Variants in MGAT4C observed in about 807,000 individuals in gnomAD.
MGAT4C encodes the protein MGAT4 family member C.
MGAT4C carries 19 observed loss-of-function variants against 40.1 expected under a neutral mutation model. That is an observed-to-expected ratio of 0.47 (90% CI 0.33 to 0.70). MGAT4C has a LOEUF of 0.70. Ranked by LOEUF, MGAT4C falls within the 30% of genes least tolerant of loss-of-function variation. MGAT4C has a pLI of 0.02. For synonymous variants in MGAT4C, 181 were observed against 187.1 expected (o/e 0.97, Z 0.27); for missense variants, 491 against 563.2 (o/e 0.87, Z 1.30).
At chr12:86,566,549 T>C (rs1319625637) in intron 2 of MGAT4C, among the ~76,000 whole-genome samples, 1 of 109,268 alleles carries the variant, frequency 9.2e-6, no homozygotes, top group East Asian at 2.4e-4. Context: ...TATATATATA[T>C]ATATATATAT....
chr12:86,282,264 ACT>A (rs1168579038), intron 4 of MGAT4C, among the ~76,000 whole-genome samples: 1 of 151,722 alleles, frequency 6.6e-6, no homozygotes, highest in Non-Finnish European at 1.5e-5. Flanking sequence ...TTTATTTAAC[ACT>A]CTTTTTCTCT....
intron 2 of MGAT4C, among the ~76,000 whole-genome samples, chr12:86,654,440 G>A (rs568788726): frequency 1.3e-5 from 2 of 151,780 alleles, no homozygotes; most frequent in African/African-American, 2.4e-5. Flanking sequence ...AAACATGCAC[G>A]ATCAGCAACC....
At chr12:86,013,614 GA>G in intron 2 of MGAT4C, 1 of 362,852 alleles carries the variant, frequency 2.8e-6, no homozygotes, top group Admixed American at 6.5e-5. Context: ...TATATAAATA[GA>G]GCTATATTCA....
intron 2 of MGAT4C, among the ~76,000 whole-genome samples, chr12:86,648,188 G>A (rs1421295079): frequency 4.6e-5 from 7 of 151,768 alleles, no homozygotes; most frequent in Admixed American, 2.0e-4. Context: ...ATTTAGTCTA[G>A]AAACATAAAG....
intron 1 of MGAT4C, among the ~76,000 whole-genome samples, chr12:86,763,419 C>T (rs1308221105): frequency 6.6e-6 from 1 of 152,096 alleles, no homozygotes; most frequent in Non-Finnish European, 1.5e-5. Context: ...CTGTGGAATA[C>T]AGTGCTCATT....
chr12:86,588,124 T>A (rs971154212), intron 2 of MGAT4C, among the ~76,000 whole-genome samples: 3 of 151,726 alleles, frequency 2.0e-5, no homozygotes, highest in Non-Finnish European at 4.4e-5. Context: ...ATACGTCCCA[T>A]CAATACCTAA....
At chr12:86,448,775 C>T (rs553582261) in intron 2 of MGAT4C, among the ~76,000 whole-genome samples, 1 of 152,286 alleles carries the variant, frequency 6.6e-6, no homozygotes, top group South Asian at 2.1e-4. Flanking sequence ...TTTAACTCAA[C>T]TTTATGTTTC....
chr12:86,063,829 T>C (rs1194654995), intron 1 of MGAT4C, among the ~76,000 whole-genome samples: 1 of 152,236 alleles, frequency 6.6e-6, no homozygotes, highest in African/African-American at 2.4e-5. Flanking sequence ...GGTAAAGTTA[T>C]CAATGCAACA....
chr12:86,560,402 A>G (rs889363383), intron 2 of MGAT4C, among the ~76,000 whole-genome samples: 1 of 152,076 alleles, frequency 6.6e-6, no homozygotes, highest in Non-Finnish European at 1.5e-5. Flanking sequence ...AATACTAGCA[A>G]GTTTAGTCCA....
At chr12:86,491,149 A>C (rs1958124764) in intron 2 of MGAT4C, among the ~76,000 whole-genome samples, 2 of 152,290 alleles carry the variant, frequency 1.3e-5, no homozygotes, top group Non-Finnish European at 1.5e-5. Flanking sequence ...TGTGGCAATA[A>C]TCAATAGCTT....
intron 2 of MGAT4C, among the ~76,000 whole-genome samples, chr12:86,442,499 T>G (rs1215188658): frequency 6.6e-6 from 1 of 152,194 alleles, no homozygotes; most frequent in African/African-American, 2.4e-5. Context: ...AAGTGTTTAA[T>G]CCATCTTGAA....
At chr12:86,304,491 C>G (rs915459546) in intron 4 of MGAT4C, among the ~76,000 whole-genome samples, 1 of 150,554 alleles carries the variant, frequency 6.6e-6, no homozygotes, top group Non-Finnish European at 1.5e-5. Flanking sequence ...TATGCATCAT[C>G]AAATATCCTA....
intron 4 of MGAT4C, among the ~76,000 whole-genome samples, chr12:86,324,959 C>T (rs1233594587): frequency 6.6e-6 from 1 of 151,976 alleles, no homozygotes; most frequent in African/African-American, 2.4e-5. Flanking sequence ...TTCAGATGAG[C>T]ATTTAAAAAT....
intron 2 of MGAT4C, among the ~76,000 whole-genome samples, chr12:86,483,151 G>T (rs1025985993): frequency 1.3e-5 from 2 of 152,134 alleles, no homozygotes; most frequent in African/African-American, 2.4e-5. Flanking sequence ...AAGGGGTGAA[G>T]GAGCTATCTG....
At chr12:86,756,695 G>A (rs774354780) in intron 1 of MGAT4C, among the ~76,000 whole-genome samples, 1 of 152,046 alleles carries the variant, frequency 6.6e-6, no homozygotes, top group Non-Finnish European at 1.5e-5. Flanking sequence ...CTAAGTTGTT[G>A]CACTATTCTT....
intron 2 of MGAT4C, among the ~76,000 whole-genome samples, chr12:86,531,624 CCATT>C (rs2136373268): frequency 6.6e-6 from 1 of 152,058 alleles, no homozygotes; most frequent in South Asian, 2.1e-4. Context: ...GACTTTACAT[CCATT>C]CAGTTATGAA....
rs958817726 is a variant in MGAT4C at position 86,241,952 on chromosome 12, A to AG, written c.-57+14286dup. 5.9e-5 allele frequency among the ~76,000 whole-genome samples: 9 copies of AG among 151,914 alleles called. No individual in the cohort carries two copies. In the South Asian group the frequency reaches 6.2e-4, roughly 11 times the overall value. On this transcript the variant is annotated intron_variant, in intron 1 of 4. Coordinates refer to ENST00000611864, the MANE Select transcript of MGAT4C (RefSeq NM_001351288.2). ...CTCTCAAATCATCTGAGACTAGGGG[A>AG]GGGGGGGAAATTGAGAAAATACCAC...
At chr12:86,704,140 G>A (rs141463623) in intron 2 of MGAT4C, among the ~76,000 whole-genome samples, 32 of 152,082 alleles carry the variant, frequency 2.1e-4, no homozygotes, top group African/African-American at 4.3e-4. Flanking sequence ...AATACTCTCC[G>A]TGAATTATTT....
At chr12:86,053,921 C>T (rs9738989) in intron 1 of MGAT4C, among the ~76,000 whole-genome samples, 121,704 of 151,808 alleles carry the variant, frequency 0.8, 49,470 homozygotes, top group East Asian at 0.97. Flanking sequence ...GAATGGCCAC[C>T]ATAAAAAAAG....
Sources: allele counts gnomAD v4.1 joint callset (sites outside exome capture counted in the v4.1 genomes callset), GRCh38; gene constraint gnomAD v4.1.1; transcripts MANE v1.5; gene names NCBI Gene and HGNC (gene_info 2026-07-23, HGNC 2026-07-21).